Variants in DACH2 observed in about 807,000 individuals in gnomAD.
The protein encoded by DACH2 is dachshund homolog 2.
Under a neutral mutation model 35.8 loss-of-function variants are expected in DACH2, and 17 were observed. That is an observed-to-expected ratio of 0.48 (90% confidence interval 0.33 to 0.71). DACH2 has a LOEUF of 0.71. Ranked by LOEUF, DACH2 falls within the 30% of genes least tolerant of loss-of-function variation. The pLI is 0.02. For synonymous variants in DACH2, 195 were observed against 177.3 expected (o/e 1.10, Z -0.79); for missense variants, 469 against 472.7 (o/e 0.99, Z 0.07).
intron 3 of DACH2, among the ~76,000 whole-genome samples, chrX:86,516,541 G>A (rs767227327): frequency 1.8e-5 from 2 of 110,873 alleles, no homozygotes; most frequent in African/African-American, 6.6e-5. Flanking sequence ...ATGGCTCCGC[G>A]AGTTTAAATT....
chrX:86,796,083 G>C (rs942257293), intron 7 of DACH2, among the ~76,000 whole-genome samples: 17 of 111,872 alleles, frequency 1.5e-4, no homozygotes, highest in Non-Finnish European at 3.0e-4. Flanking sequence ...ATTTGGCCCT[G>C]CTCACATTCT....
rs144457125 is a variant in DACH2, at chrX:86,496,300, A to G, written c.528-17979A>G. On this transcript the variant is annotated intron_variant, in intron 2 of 11. Coordinates refer to ENST00000373125, the MANE Select transcript of DACH2 (RefSeq NM_053281.3). ...ATACTAATTCTTTTATATTCTTTTT[A>G]TATCAGTATCCTTAGGACGTTTTTC... Among the ~76,000 whole-genome samples, 28 of 111,466 alleles carry G rather than the reference A, an allele frequency of 2.5e-4. No homozygotes were observed. The East Asian group carries it at 7.1e-3, about 28-fold the overall frequency.
intron 2 of DACH2, among the ~76,000 whole-genome samples, chrX:86,399,449 G>T (rs749793899): frequency 9.0e-6 from 1 of 111,406 alleles, no homozygotes; most frequent in African/African-American, 3.3e-5. Flanking sequence ...TATTTTGCTC[G>T]TTAGTTGATG....
intron 1 of DACH2, among the ~76,000 whole-genome samples, chrX:86,306,715 G>T (rs1013942082): frequency 9.0e-6 from 1 of 111,569 alleles, no homozygotes; most frequent in Non-Finnish European, 1.9e-5. Flanking sequence ...GGCTCTCCTT[G>T]CTCCTCAGCT....
chrX:86,440,870 A>G (rs1241969568), intron 2 of DACH2, among the ~76,000 whole-genome samples: 1 of 111,352 alleles, frequency 9.0e-6, no homozygotes, highest in East Asian at 2.8e-4. Flanking sequence ...TTATAATACA[A>G]TATTGTTAAT....
chrX:86,432,476 T>C (rs1156280087), intron 2 of DACH2, among the ~76,000 whole-genome samples: 1 of 112,103 alleles, frequency 8.9e-6, no homozygotes, highest in East Asian at 2.8e-4. Flanking sequence ...CTCCATAGTC[T>C]GTAATGCACG....
chrX:86,667,536 AGAAAGAAAGAAG>A (rs1291235664), intron 4 of DACH2, among the ~76,000 whole-genome samples: 1 of 61,688 alleles, frequency 1.6e-5, no homozygotes, highest in Non-Finnish European at 2.8e-5. Flanking sequence ...AAAGAAAGAA[AGAAAGAAAGAAG>A]AAAGAAAGAA....
chrX:86,247,993 C>G (rs1312867915), intron 1 of DACH2, among the ~76,000 whole-genome samples: 1 of 110,449 alleles, frequency 9.1e-6, no homozygotes, highest in Non-Finnish European at 1.9e-5. Flanking sequence ...GTTCAATATC[C>G]CTTCATGATA....
intron 1 of DACH2, among the ~76,000 whole-genome samples, chrX:86,238,374 G>A (rs1372434589): frequency 4.5e-5 from 5 of 111,670 alleles, no homozygotes; most frequent in Non-Finnish European, 5.6e-5. Context: ...TTTATTGGAA[G>A]GCCTTCAAAT....
In DACH2 at chrX:86,182,485, C is replaced by A. The variant is rs1166245350; in HGVS notation, c.488+33377C>A. On this transcript the variant is annotated intron_variant, in intron 1 of 11. Coordinates refer to ENST00000373125, the MANE Select transcript of DACH2 (RefSeq NM_053281.3). ...TGTTTTTGTCAGGTTTGTCAAAGAT[C>A]AGATGGCTGTAGATGTGTGGCATTA... Among the ~76,000 whole-genome samples, 5 of 111,698 alleles carry A rather than the reference C, an allele frequency of 4.5e-5. No homozygotes were observed. In the Admixed American group the frequency reaches 4.8e-4, roughly 11 times the overall value.
At chrX:86,829,883 C>G (rs1263532260) in intron 11 of DACH2, 1 of 111,958 alleles carries the variant, frequency 8.9e-6, no homozygotes, top group Admixed American at 9.5e-5. Flanking sequence ...TTCTCAAGCT[C>G]GGTAACATTC....
At chrX:86,182,616 T>G (rs1215340980) in intron 1 of DACH2, among the ~76,000 whole-genome samples, 5 of 111,699 alleles carry the variant, frequency 4.5e-5, no homozygotes, top group Admixed American at 3.8e-4. Flanking sequence ...AGCGTGATGC[T>G]TCCAGCTTTG....
chrX:86,762,293 G>GA (rs932061906), intron 7 of DACH2, among the ~76,000 whole-genome samples: 16 of 109,493 alleles, frequency 1.5e-4, no homozygotes, highest in South Asian at 3.8e-4. Context: ...TTAGACTAGT[G>GA]AAAAAAAAAT....
chrX:86,741,964 G>C (rs1157573614), intron 7 of DACH2, among the ~76,000 whole-genome samples: 3 of 110,056 alleles, frequency 2.7e-5, no homozygotes, highest in Non-Finnish European at 5.7e-5. Flanking sequence ...TCTACTAAAG[G>C]TGCCCATAAT....
At chrX:86,758,918 T>A (rs1187062075) in intron 7 of DACH2, among the ~76,000 whole-genome samples, 2 of 112,471 alleles carry the variant, frequency 1.8e-5, no homozygotes, top group African/African-American at 6.5e-5. Context: ...TTACAAACAA[T>A]CCACTCATAT....
At chrX:86,788,832 A>G (rs973143066) in intron 7 of DACH2, among the ~76,000 whole-genome samples, 2 of 111,279 alleles carry the variant, frequency 1.8e-5, no homozygotes, top group Admixed American at 1.9e-4. Context: ...AACCTCCTTG[A>G]TAAAATACCA....
At chrX:86,536,155 G>C (rs1184951450) in intron 3 of DACH2, among the ~76,000 whole-genome samples, 2 of 110,591 alleles carry the variant, frequency 1.8e-5, no homozygotes, top group Non-Finnish European at 3.8e-5. Flanking sequence ...AGCTTTCTTT[G>C]GGAAGAAAAC....
At position 86,609,921 on chromosome X, in the gene DACH2, C is replaced by A. The variant is rs187998527; in HGVS notation, c.641-41115C>A. Among the ~76,000 whole-genome samples, 4 of 111,692 alleles carry A rather than the reference C, an allele frequency of 3.6e-5. No homozygotes were observed. In the East Asian group the frequency reaches 1.1e-3, roughly 32 times the overall value. ...TGCTGAATGATAACTGAAGCCAGCA[C>A]AGCATTGTGTCTCACCCAAGACCTG... On this transcript the variant is annotated intron_variant, in intron 3 of 11. Coordinates refer to ENST00000373125, the MANE Select transcript of DACH2 (RefSeq NM_053281.3).
At chrX:86,255,747 C>T (rs1243783455) in intron 1 of DACH2, among the ~76,000 whole-genome samples, 1 of 111,545 alleles carries the variant, frequency 9.0e-6, no homozygotes, top group Non-Finnish European at 1.9e-5. Flanking sequence ...AACAAAATAA[C>T]TTTTTGATGA....
Sources: allele counts gnomAD v4.1 joint callset (sites outside exome capture counted in the v4.1 genomes callset), GRCh38; gene constraint gnomAD v4.1.1; transcripts MANE v1.5; gene names NCBI Gene and HGNC (gene_info 2026-07-23, HGNC 2026-07-21).